Variants in MAGI2 observed in about 807,000 individuals in gnomAD.
MAGI2 encodes membrane-associated guanylate kinase, WW and PDZ domain-containing protein 2.
In MAGI2, 35 loss-of-function variants were observed where a neutral mutation model predicts 133.3. That is an observed-to-expected ratio of 0.26 (90% CI 0.20 to 0.35). The LOEUF (loss-of-function observed/expected upper bound fraction) is 0.35. Among genes scored for constraint, MAGI2 ranks in the 10% least tolerant of loss-of-function variants. The probability of loss-of-function intolerance (pLI) is 1.00; values close to 1 mark genes in which losing one functional copy is unlikely to be tolerated. For missense variants in MAGI2, 1,636 were observed against 1,863.4 expected (o/e 0.88, Z 2.25); for synonymous variants, 729 against 710.6 (o/e 1.03, Z -0.41).
At chr7:78,792,314 G>C (rs1583908358) in intron 2 of MAGI2, among the ~76,000 whole-genome samples, 1 of 152,158 alleles carries the variant, frequency 6.6e-6, no homozygotes, top group Non-Finnish European at 1.5e-5. Context: ...CCAGTTTACA[G>C]TTTTAAAATA....
At chr7:78,116,521 A>G (rs1406917540) in intron 20 of MAGI2, among the ~76,000 whole-genome samples, 3 of 152,240 alleles carry the variant, frequency 2.0e-5, no homozygotes, top group Non-Finnish European at 4.4e-5. Context: ...TTAATAAAGA[A>G]AAATGGAATA....
chr7:78,357,287 G>C (rs1291520154), intron 7 of MAGI2, among the ~76,000 whole-genome samples: 2 of 152,086 alleles, frequency 1.3e-5, no homozygotes, highest in African/African-American at 4.8e-5. Context: ...AAGCACTGTG[G>C]TGGTGATTAA....
In MAGI2 at chr7:79,368,425, T is replaced by C. The variant is rs150581017; in HGVS notation, c.301+84595A>G. ...CTTCCCTTCAGATCAATCAAGTCCT[T>C]TGCAACATGAGTGGGTTAGTGTTAT... On this transcript the variant is annotated intron_variant, in intron 1 of 21. Transcript: ENST00000354212. Among the ~76,000 whole-genome samples the C allele has an allele frequency of 8.5e-3, 1,292 of 152,260 alleles. 13 individuals are homozygous for C. Among genetic ancestry groups the C allele is most frequent in the African/African-American group, 0.03 (1,239 of 41,528 alleles).
rs149356273 is a variant in MAGI2 at position 79,346,238 on chromosome 7, A to C, written c.301+106782T>G. Among the ~76,000 whole-genome samples the C allele has an allele frequency of 7.2e-5, 11 of 152,142 alleles. No individual in the cohort carries two copies. The East Asian group carries it at 2.1e-3, about 29-fold the overall frequency. The stretch of plus-strand genomic sequence containing the variant: ...CAGCTCACTTCCTACTTAATTAAGA[A>C]ATCACTTATTAAAACAAGTAGCTTC... On this transcript the variant is annotated intron_variant, in intron 1 of 21. Transcript: ENST00000354212.
At chr7:79,353,356 A>G in intron 1 of MAGI2, 1 of 429,490 alleles carries the variant, frequency 2.3e-6, no homozygotes, top group South Asian at 1.7e-5. Flanking sequence ...CTCTTCAGTC[A>G]TGGAGGAAGC....
chr7:78,279,713 T>A (rs1421505732), intron 9 of MAGI2, among the ~76,000 whole-genome samples: 1 of 152,018 alleles, frequency 6.6e-6, no homozygotes, highest in Non-Finnish European at 1.5e-5. Flanking sequence ...TCTGTGCATG[T>A]GTGTGTGTGG....
chr7:78,730,268 T>G (rs1176624067), intron 2 of MAGI2, among the ~76,000 whole-genome samples: 1 of 152,144 alleles, frequency 6.6e-6, no homozygotes, highest in Non-Finnish European at 1.5e-5. Context: ...TAAACCATGA[T>G]AAATACATTT....
At chr7:79,007,965 A>C (rs1807626739) in intron 1 of MAGI2, among the ~76,000 whole-genome samples, 1 of 152,066 alleles carries the variant, frequency 6.6e-6, no homozygotes. Flanking sequence ...TAAAAAATAA[A>C]CTGGGATATA....
rs529560711 is a variant in MAGI2, at chr7:79,143,446, A to T, written c.302-136240T>A. 1.6e-4 allele frequency among the ~76,000 whole-genome samples: 25 copies of T among 152,324 alleles called. No individual in the cohort carries two copies. The South Asian group carries it at 2.7e-3, about 16-fold the overall frequency. ...CATCCTAAAGAATTGTGTTGATTAA[A>T]TTACACATTTTCACAGTTCTAAATG... On this transcript the variant is annotated intron_variant, in intron 1 of 21. Transcript: ENST00000354212.
intron 1 of MAGI2, among the ~76,000 whole-genome samples, chr7:79,383,797 G>T (rs1843978638): frequency 6.6e-6 from 1 of 151,364 alleles, no homozygotes; most frequent in African/African-American, 2.4e-5. Context: ...ACTAGCAAAG[G>T]AGGAACACAA....
chr7:79,003,057 A>G (rs934863205), intron 2 of MAGI2, among the ~76,000 whole-genome samples: 4 of 151,742 alleles, frequency 2.6e-5, no homozygotes, highest in African/African-American at 9.7e-5. Context: ...GTCAGTGGAG[A>G]CCTAGACTAA....
rs555107070 is a variant in MAGI2 at position 78,880,221 on chromosome 7, G to A, written c.418+126869C>T. On this transcript the variant is annotated intron_variant, in intron 2 of 21. Coordinates refer to ENST00000354212, the MANE Select transcript of MAGI2 (RefSeq NM_012301.4). The stretch of plus-strand genomic sequence containing the variant: ...GATATCCAGGTACAAGAAATACAGA[G>A]AACAATTGTGATATACTATACAAAA... 8.3e-4 allele frequency among the ~76,000 whole-genome samples: 126 copies of A among 152,148 alleles called. No homozygotes were observed. The South Asian group carries it at 0.025, about 31-fold the overall frequency.
intron 3 of MAGI2, among the ~76,000 whole-genome samples, chr7:78,554,839 T>C (rs1162986121): frequency 6.6e-6 from 1 of 152,012 alleles, no homozygotes; most frequent in Non-Finnish European, 1.5e-5. Context: ...AAACTTAGCA[T>C]AAAAATACAT....
intron 2 of MAGI2, among the ~76,000 whole-genome samples, chr7:78,990,941 CAG>C (rs1554323803): frequency 1.8e-3 from 267 of 146,756 alleles, no homozygotes; most frequent in African/African-American, 4.4e-3. Context: ...CACACACACA[CAG>C]AGATATGGTT....
intron 1 of MAGI2, among the ~76,000 whole-genome samples, chr7:79,093,605 C>A (rs977331079): frequency 6.6e-6 from 1 of 152,034 alleles, no homozygotes; most frequent in African/African-American, 2.4e-5. Context: ...GTTAGAGAGT[C>A]TTGCCTCAAC....
intron 13 of MAGI2, among the ~76,000 whole-genome samples, chr7:78,183,610 G>A (rs1827404512): frequency 6.6e-6 from 1 of 151,454 alleles, no homozygotes; most frequent in African/African-American, 2.4e-5. Flanking sequence ...TGCTGCCCAA[G>A]CTAGAGTGCA....
chr7:79,039,206 C>T (rs980112838), intron 1 of MAGI2, among the ~76,000 whole-genome samples: 2 of 151,472 alleles, frequency 1.3e-5, no homozygotes, highest in African/African-American at 4.9e-5. Flanking sequence ...CCCACCTTCG[C>T]TCTGCACTTC....
At chr7:79,296,932 C>A (rs1031151379) in intron 1 of MAGI2, among the ~76,000 whole-genome samples, 6 of 152,184 alleles carry the variant, frequency 3.9e-5, no homozygotes, top group South Asian at 4.2e-4. Flanking sequence ...GATGGATGTG[C>A]TAATTACTCT....
intron 14 of MAGI2, among the ~76,000 whole-genome samples, chr7:78,175,800 T>C (rs1206316270): frequency 1.3e-5 from 2 of 152,096 alleles, no homozygotes; most frequent in Non-Finnish European, 2.9e-5. Flanking sequence ...TTTTCAATTA[T>C]GGAGTACTCA....
Sources: allele counts gnomAD v4.1 joint callset (sites outside exome capture counted in the v4.1 genomes callset), GRCh38; gene constraint gnomAD v4.1.1; transcripts MANE v1.5; gene names NCBI Gene and HGNC (gene_info 2026-07-23, HGNC 2026-07-21).